The following ZSCAN25 variants were observed in gnomAD, a reference collection of about 807,000 sequenced individuals.
ZSCAN25 encodes zinc finger and SCAN domain-containing protein 25.
Under a neutral mutation model 38.7 loss-of-function variants are expected in ZSCAN25, and 27 were observed. That is an observed-to-expected ratio of 0.70 (90% confidence interval 0.51 to 0.96). The LOEUF (loss-of-function observed/expected upper bound fraction) is 0.96. ZSCAN25 is among the 40% of genes least tolerant of loss of function. The probability of loss-of-function intolerance (pLI) is 0.00; values close to 1 mark genes in which losing one functional copy is unlikely to be tolerated. For missense variants in ZSCAN25, 637 were observed against 705.9 expected (o/e 0.90, Z 1.11); for synonymous variants, 273 against 277.7 (o/e 0.98, Z 0.17).
chr7:99,662,422 A>G, the ZSCAN25 span, among the ~76,000 whole-genome samples: 1 of 152,330 alleles, frequency 6.6e-6, no homozygotes, highest in Admixed American at 6.5e-5. This position sits in a 1 kb window ranked among gnomAD's most constrained non-coding sequence, Gnocchi z 4.3. Flanking sequence ...TTGCGAACAC[A>G]CTTTCAAGTA....
rs1458033031 is a variant in ZSCAN25 at position 99,619,747 on chromosome 7, G to A, written c.141G>A (p.Gln47=). 1.2e-6 allele frequency: 2 copies of A among 1,614,154 alleles called. No individual in the cohort carries two copies. The highest frequency in any genetic ancestry group is 2.7e-5 in the African/African-American group (2 of 74,954). ...SPETFRLRFR[Q]FRYQEAAGPQ... ...AGACTTTTCGGCTGAGGTTTCGGCA[G>A]TTCCGCTACCAGGAGGCAGCTGGAC... is the stretch of plus-strand genomic sequence containing the variant. The change falls in exon 4 of 8, where the codon CAG becomes CAA. Residue 47 remains glutamine, a synonymous_variant. Transcript: ENST00000394152.
chr7:99,631,813 G>A lies in ZSCAN25; in HGVS notation c.*1793G>A. ...CTGTGCCCACGAGGCTGCACTGACT[G>A]GGTCGTAAATGTATCTGAGATGTCC... On this transcript the variant is annotated 3_prime_UTR_variant, in exon 8 of 8. Coordinates refer to ENST00000394152, the MANE Select transcript of ZSCAN25 (RefSeq NM_145115.3). The A allele has an allele frequency of 2.0e-6, 2 of 985,242 alleles. No individual in the cohort carries two copies. The highest frequency in any genetic ancestry group is 2.4e-6 in the Non-Finnish European group (2 of 829,906). 61.0% of individuals were successfully genotyped at this position (985,242 alleles called of 1,614,324 possible). A position where few individuals can be genotyped will look rare whatever the true frequency, so the allele number is the denominator to read the frequency against.
At chr7:99,696,319 A>T in the ZSCAN25 span, among the ~76,000 whole-genome samples, 1 of 151,520 alleles carries the variant, frequency 6.6e-6, no homozygotes, top group Non-Finnish European at 1.5e-5. Context: ...CTGAGAGCCT[A>T]TGGTGACCAT....
At chr7:99,730,967 A>G in the ZSCAN25 span, 1 of 1,510,330 alleles carries the variant, frequency 6.6e-7, no homozygotes, top group Non-Finnish European at 9.1e-7. Context: ...AAAATCTCAG[A>G]CCTTCCTCTT....
At chr7:99,643,820 C>T in the ZSCAN25 span, among the ~76,000 whole-genome samples, 3 of 151,562 alleles carry the variant, frequency 2.0e-5, no homozygotes, top group Admixed American at 6.6e-5. Context: ...GGTTCAGGCA[C>T]ACTGTGCAGG....
the ZSCAN25 span, chr7:99,705,372 G>T: frequency 9.3e-7 from 1 of 1,080,306 alleles, no homozygotes; most frequent in African/African-American, 1.6e-5. Context: ...CAGAATCCCT[G>T]ATTATTTATG....
chr7:99,655,182 G>C, the ZSCAN25 span, among the ~76,000 whole-genome samples: 2 of 152,110 alleles, frequency 1.3e-5, no homozygotes, highest in Non-Finnish European at 2.9e-5. Context: ...ATATTGCCTA[G>C]GTTTTCTTCT....
chr7:99,676,291 G>C, the ZSCAN25 span: 2 of 1,599,052 alleles, frequency 1.3e-6, no homozygotes. Context: ...GAACTGGAAT[G>C]GTCAAGAGAG....
intron 7 of ZSCAN25, among the ~76,000 whole-genome samples, chr7:99,628,069 TAGTG>T (rs2151291599): frequency 6.6e-6 from 1 of 151,946 alleles, no homozygotes; most frequent in South Asian, 2.1e-4. Context: ...CTGGGCAACA[TAGTG>T]AGGCCCCCAT....
chr7:99,626,088 A>G (rs1807445199), intron 7 of ZSCAN25, among the ~76,000 whole-genome samples: 1 of 152,212 alleles, frequency 6.6e-6, no homozygotes, highest in Non-Finnish European at 1.5e-5. Context: ...TCATTAGCAG[A>G]CGGTGAGGTG....
intron 7 of ZSCAN25, among the ~76,000 whole-genome samples, chr7:99,628,677 G>T (rs2151293813): frequency 6.6e-6 from 1 of 152,362 alleles, no homozygotes; most frequent in East Asian, 1.9e-4. Context: ...AACCTGGTTA[G>T]GCAGAGGGAG....
the ZSCAN25 span, among the ~76,000 whole-genome samples, chr7:99,711,552 C>T: frequency 1.3e-5 from 2 of 152,024 alleles, no homozygotes; most frequent in African/African-American, 2.4e-5. Context: ...GTGGATCACC[C>T]GAGGTCAGGA....
chr7:99,684,867 A>G, the ZSCAN25 span: 1 of 266,846 alleles, frequency 3.7e-6, no homozygotes, highest in South Asian at 6.2e-5. Flanking sequence ...TAATGGTGCT[A>G]ACTAGGGGTG....
At chr7:99,708,916 C>A in the ZSCAN25 span, 40 of 1,208,376 alleles carry the variant, frequency 3.3e-5, 1 homozygote, top group Admixed American at 4.0e-4. Flanking sequence ...TTTGAAAAAA[C>A]CTTTTAAACA....
the ZSCAN25 span, among the ~76,000 whole-genome samples, chr7:99,677,949 T>C: frequency 1.3e-5 from 2 of 152,248 alleles, no homozygotes; most frequent in East Asian, 1.9e-4. Flanking sequence ...TCAAGGCAGA[T>C]GCTGTGCTGG....
At chr7:99,700,233 C>T in the ZSCAN25 span, among the ~76,000 whole-genome samples, 1 of 152,162 alleles carries the variant, frequency 6.6e-6, no homozygotes, top group Non-Finnish European at 1.5e-5. Context: ...CCTTTGCTTA[C>T]CTCCTTTGAG....
the ZSCAN25 span, among the ~76,000 whole-genome samples, chr7:99,700,388 T>A: frequency 5.3e-5 from 8 of 152,160 alleles, no homozygotes; most frequent in Non-Finnish European, 1.0e-4. Flanking sequence ...TCCATGGCTG[T>A]CTTCATTCCA....
the ZSCAN25 span, among the ~76,000 whole-genome samples, chr7:99,730,244 T>G: frequency 2.4e-4 from 36 of 152,348 alleles, no homozygotes; most frequent in Non-Finnish European, 3.8e-4. Flanking sequence ...TTCAATAATT[T>G]TGTCAAATCA....
chr7:99,714,666 A>G, the ZSCAN25 span: 1 of 1,612,640 alleles, frequency 6.2e-7, no homozygotes. Flanking sequence ...GAATTGGGGT[A>G]AGGAATGGAA....
Sources: gnomAD v4.1 joint callset for allele counts (sites outside exome capture counted in the v4.1 genomes callset) on GRCh38, gnomAD v4.1.1 for gene constraint, Gnocchi (gnomAD v3.1) non-coding constraint, MANE v1.5 for transcripts, NCBI Gene and HGNC (gene_info 2026-07-23, HGNC 2026-07-21) for gene names.